The following TMEM132B variants were observed in gnomAD, a reference collection of about 807,000 sequenced individuals.
TMEM132B encodes transmembrane protein 132B.
TMEM132B carries 18 observed loss-of-function variants against 90.8 expected under a neutral mutation model. That is an observed-to-expected ratio of 0.20 (90% CI 0.14 to 0.29). The LOEUF is 0.29. Among genes scored for constraint, TMEM132B ranks in the 10% least tolerant of loss-of-function variants. The pLI is 1.00. For missense variants in TMEM132B, 1,096 were observed against 1,326.8 expected (o/e 0.83, Z 2.70); for synonymous variants, 504 against 523.3 (o/e 0.96, Z 0.50).
At chr12:125,314,350 G>A (rs762684524) in intron 1 of TMEM132B, among the ~76,000 whole-genome samples, 15 of 152,160 alleles carry the variant, frequency 9.9e-5, no homozygotes, top group African/African-American at 2.9e-4. Flanking sequence ...GCCGAGATTC[G>A]GTACCAACTC....
At chr12:125,543,896 T>C (rs895157270) in intron 4 of TMEM132B, among the ~76,000 whole-genome samples, 1 of 152,058 alleles carries the variant, frequency 6.6e-6, no homozygotes, top group African/African-American at 2.4e-5. Context: ...GATACATGCA[T>C]GCTTATGTTC....
At chr12:125,538,026 G>T (rs531941985) in intron 4 of TMEM132B, among the ~76,000 whole-genome samples, 39 of 152,262 alleles carry the variant, frequency 2.6e-4, no homozygotes, top group African/African-American at 8.9e-4. Flanking sequence ...ATGCACGCTC[G>T]GCTCCTATTG....
At chr12:125,412,632 C>T (rs34112627) in intron 2 of TMEM132B, among the ~76,000 whole-genome samples, 17,011 of 152,044 alleles carry the variant, frequency 0.11, 1,049 homozygotes, top group Non-Finnish European at 0.14. Context: ...CCTGGCCACA[C>T]GGCTGCTTGG....
chr12:125,542,504 T>C (rs75028085), intron 4 of TMEM132B, among the ~76,000 whole-genome samples: 350 of 152,334 alleles, frequency 2.3e-3, no homozygotes, highest in African/African-American at 8.0e-3. Context: ...TCCCTATTCC[T>C]CTTTCCTTTC....
At chr12:125,552,331 T>C (rs939175075) in intron 4 of TMEM132B, among the ~76,000 whole-genome samples, 1 of 152,216 alleles carries the variant, frequency 6.6e-6, no homozygotes, top group Non-Finnish European at 1.5e-5. Flanking sequence ...CCTCAAGGTG[T>C]ACTGGTCTCC....
intron 3 of TMEM132B, among the ~76,000 whole-genome samples, chr12:125,502,120 G>T (rs1592959018): frequency 6.6e-6 from 1 of 152,186 alleles, no homozygotes; most frequent in African/African-American, 2.4e-5. Context: ...TGCCCTTGCT[G>T]TTCCCCTTGC....
At chr12:125,291,471 G>C (rs992612972) in intron 1 of TMEM132B, among the ~76,000 whole-genome samples, 1 of 152,212 alleles carries the variant, frequency 6.6e-6, no homozygotes, top group Admixed American at 6.5e-5. Context: ...GATTCTCCAT[G>C]CTGGCTCTGA....
chr12:125,376,947 C>T (rs556598532), intron 2 of TMEM132B, among the ~76,000 whole-genome samples: 1 of 152,334 alleles, frequency 6.6e-6, no homozygotes, highest in Non-Finnish European at 1.5e-5. Context: ...AACCCTCCCA[C>T]GGTTTCTCCA....
chr12:125,611,140 T>C (rs1391214967), intron 5 of TMEM132B, among the ~76,000 whole-genome samples: 2 of 152,132 alleles, frequency 1.3e-5, no homozygotes, highest in African/African-American at 2.4e-5. Flanking sequence ...TATTTGTCTT[T>C]TTAGGGATTT....
At chr12:125,256,518 A>G (rs1874442776) in intron 1 of TMEM132B, among the ~76,000 whole-genome samples, 1 of 152,230 alleles carries the variant, frequency 6.6e-6, no homozygotes, top group East Asian at 1.9e-4. Context: ...AGCCACACCC[A>G]TCATTTACAT....
intron 4 of TMEM132B, among the ~76,000 whole-genome samples, chr12:125,563,471 C>G (rs577982731): frequency 2.7e-4 from 41 of 152,042 alleles, no homozygotes; most frequent in African/African-American, 9.4e-4. Context: ...ACTGCTGAGG[C>G]AGGAGAATTG....
intron 3 of TMEM132B, among the ~76,000 whole-genome samples, chr12:125,515,780 ATC>A (rs765125099): frequency 1.3e-5 from 2 of 151,372 alleles, no homozygotes; most frequent in African/African-American, 2.4e-5. Context: ...ACATTTGCAC[ATC>A]TCTTTCACAT....
chr12:125,487,066 G>A (rs1041361243), intron 3 of TMEM132B, among the ~76,000 whole-genome samples: 1 of 152,104 alleles, frequency 6.6e-6, no homozygotes, highest in African/African-American at 2.4e-5. Flanking sequence ...GAGAACAGAA[G>A]GTCTCAGTCT....
intron 2 of TMEM132B, among the ~76,000 whole-genome samples, chr12:125,373,890 G>A (rs1316576076): frequency 6.6e-6 from 1 of 152,230 alleles, no homozygotes; most frequent in African/African-American, 2.4e-5. Flanking sequence ...CGCCTCCTGG[G>A]TTCAAGTGAT....
intron 3 of TMEM132B, among the ~76,000 whole-genome samples, chr12:125,465,615 G>A (rs760713641): frequency 6.6e-6 from 1 of 152,216 alleles, no homozygotes; most frequent in Admixed American, 6.5e-5. Flanking sequence ...CTGGCCTAGG[G>A]TGTGCCCCCT....
chr12:125,287,244 C>G (rs1021055572), intron 1 of TMEM132B, among the ~76,000 whole-genome samples: 1 of 152,106 alleles, frequency 6.6e-6, no homozygotes, highest in Non-Finnish European at 1.5e-5. Flanking sequence ...TATAAGAACC[C>G]TTGTGATGAC....
chr12:125,234,413 C>T (rs1443460116), intron 1 of TMEM132B, among the ~76,000 whole-genome samples: 8 of 152,134 alleles, frequency 5.3e-5, no homozygotes, highest in African/African-American at 1.4e-4. Flanking sequence ...CATCACCTCC[C>T]GCTGAAACCA....
chr12:125,360,097 A>G (rs1350664473), intron 2 of TMEM132B, among the ~76,000 whole-genome samples: 3 of 152,148 alleles, frequency 2.0e-5, no homozygotes, highest in African/African-American at 7.2e-5. Flanking sequence ...AAAACAAAAT[A>G]GAACACATGG....
chr12:125,537,740 C>T (rs1210869122), intron 4 of TMEM132B, among the ~76,000 whole-genome samples: 1 of 152,184 alleles, frequency 6.6e-6, no homozygotes, highest in Non-Finnish European at 1.5e-5. Flanking sequence ...TCAGGGACCA[C>T]AGATGGCAAA....
Sources: gnomAD v4.1 joint callset for allele counts (sites outside exome capture counted in the v4.1 genomes callset) on GRCh38, gnomAD v4.1.1 for gene constraint, MANE v1.5 for transcripts, NCBI Gene and HGNC (gene_info 2026-07-23, HGNC 2026-07-21) for gene names.